Variants in NKAIN2 observed in about 807,000 individuals in gnomAD.
NKAIN2 encodes sodium/potassium-transporting ATPase subunit beta-1-interacting protein 2.
Under a neutral mutation model 32.6 loss-of-function variants are expected in NKAIN2, and 14 were observed. The ratio of observed to expected loss-of-function variants is 0.43; its 90% CI spans 0.28 to 0.67. The LOEUF is 0.67. Ranked by LOEUF, NKAIN2 falls within the 30% of genes least tolerant of loss-of-function variation. The pLI is 0.17. For synonymous variants in NKAIN2, 80 were observed against 87.2 expected (o/e 0.92, Z 0.46); for missense variants, 198 against 258.3 (o/e 0.77, Z 1.60).
chr6:124,689,393 T>G (rs1367700715), intron 4 of NKAIN2, among the ~76,000 whole-genome samples: 1 of 152,130 alleles, frequency 6.6e-6, no homozygotes, highest in Non-Finnish European at 1.5e-5. Flanking sequence ...AAATGTTTTC[T>G]TCCATACTGT....
At chr6:123,883,087 G>A (rs1472064034) in intron 1 of NKAIN2, among the ~76,000 whole-genome samples, 1 of 152,108 alleles carries the variant, frequency 6.6e-6, no homozygotes, top group African/African-American at 2.4e-5. Context: ...GGGGCTTGGT[G>A]GGAGGTGGTT....
chr6:124,633,116 T>C (rs1162390976), intron 3 of NKAIN2, among the ~76,000 whole-genome samples: 2 of 152,182 alleles, frequency 1.3e-5, no homozygotes, highest in African/African-American at 2.4e-5. Flanking sequence ...GATTTGGCAA[T>C]GATTGATAGG....
At chr6:124,549,874 T>C (rs901506931) in intron 3 of NKAIN2, among the ~76,000 whole-genome samples, 2 of 152,200 alleles carry the variant, frequency 1.3e-5, no homozygotes, top group South Asian at 4.1e-4. Context: ...GAATTCTTGG[T>C]AATGTTGACC....
intron 1 of NKAIN2, among the ~76,000 whole-genome samples, chr6:124,180,779 G>C (rs771850081): frequency 3.9e-5 from 6 of 152,150 alleles, no homozygotes; most frequent in Non-Finnish European, 7.3e-5. Context: ...TGCCCCTGTG[G>C]CTTCGCTGGG....
At chr6:124,007,942 A>C (rs1780149032) in intron 1 of NKAIN2, among the ~76,000 whole-genome samples, 1 of 152,142 alleles carries the variant, frequency 6.6e-6, no homozygotes, top group Admixed American at 6.5e-5. Flanking sequence ...AAAGGCAAAG[A>C]AGTGAGCAAG....
chr6:124,076,654 C>T (rs1005135090), intron 1 of NKAIN2, among the ~76,000 whole-genome samples: 1 of 152,204 alleles, frequency 6.6e-6, no homozygotes, highest in Non-Finnish European at 1.5e-5. Flanking sequence ...ACAGAAATTT[C>T]TTAAATCCAT....
intron 1 of NKAIN2, among the ~76,000 whole-genome samples, chr6:123,883,738 C>T (rs1476296289): frequency 5.4e-5 from 8 of 149,072 alleles, no homozygotes; most frequent in African/African-American, 2.0e-4. Context: ...AAAAAATGTA[C>T]CTCTTTTTTA....
intron 1 of NKAIN2, among the ~76,000 whole-genome samples, chr6:124,056,008 ATTTGCTATG>A (rs918503929): frequency 2.6e-5 from 4 of 152,004 alleles, no homozygotes; most frequent in Admixed American, 2.6e-4. Flanking sequence ...TAAGTATAGC[ATTTGCTATG>A]TTCTGATTTT....
intron 1 of NKAIN2, among the ~76,000 whole-genome samples, chr6:124,064,734 T>C (rs555793768): frequency 1.5e-3 from 234 of 152,300 alleles, no homozygotes; most frequent in Non-Finnish European, 2.2e-3. Flanking sequence ...TTTTAACTAT[T>C]AGCCACTAAC....
intron 1 of NKAIN2, among the ~76,000 whole-genome samples, chr6:123,911,787 A>ATATATATATG (rs1775196667): frequency 8.4e-5 from 6 of 71,268 alleles, no homozygotes; most frequent in South Asian, 4.7e-4. Context: ...ACATACATAT[A>ATATATATATG]TATATATATA....
chr6:124,724,764 CT>C (rs1269361526), intron 4 of NKAIN2, among the ~76,000 whole-genome samples: 2 of 152,202 alleles, frequency 1.3e-5, no homozygotes, highest in African/African-American at 4.8e-5. Flanking sequence ...TGTAAAAAGA[CT>C]CAAACTCTAA....
chr6:124,189,999 A>G (rs1197105910), intron 1 of NKAIN2, among the ~76,000 whole-genome samples: 1 of 152,236 alleles, frequency 6.6e-6, no homozygotes, highest in Non-Finnish European at 1.5e-5. Flanking sequence ...TCCTAAAAGC[A>G]GCAATTAATG....
intron 2 of NKAIN2, among the ~76,000 whole-genome samples, chr6:124,318,889 G>T (rs1241016625): frequency 6.6e-6 from 1 of 151,822 alleles, no homozygotes; most frequent in Non-Finnish European, 1.5e-5. Flanking sequence ...AACAAGTCTG[G>T]GTGTTATGCT....
chr6:124,194,146 G>T (rs1335136935), intron 1 of NKAIN2, among the ~76,000 whole-genome samples: 2 of 151,648 alleles, frequency 1.3e-5, no homozygotes, highest in Non-Finnish European at 2.9e-5. Flanking sequence ...TCCCACTCTG[G>T]TCAGCAAGAC....
At chr6:123,993,862 C>A (rs1779508590) in intron 1 of NKAIN2, among the ~76,000 whole-genome samples, 1 of 152,112 alleles carries the variant, frequency 6.6e-6, no homozygotes, top group Admixed American at 6.6e-5. Context: ...AATTCCATTC[C>A]ATTTCCAATA....
At chr6:124,761,306 C>T (rs961823262) in intron 4 of NKAIN2, among the ~76,000 whole-genome samples, 1 of 152,144 alleles carries the variant, frequency 6.6e-6, no homozygotes, top group African/African-American at 2.4e-5. Flanking sequence ...AGTTAGATGG[C>T]CTTCAAAGTA....
At chr6:124,049,183 C>T (rs1006993183) in intron 1 of NKAIN2, among the ~76,000 whole-genome samples, 5 of 151,982 alleles carry the variant, frequency 3.3e-5, no homozygotes, top group African/African-American at 9.7e-5. Context: ...GAATTTTACA[C>T]GTAGGTTTTT....
chr6:124,238,289 C>T (rs802299), intron 1 of NKAIN2, among the ~76,000 whole-genome samples: 2 of 151,854 alleles, frequency 1.3e-5, no homozygotes, highest in African/African-American at 4.8e-5. Flanking sequence ...ATAAAAGAAA[C>T]ATTAAAAATA....
At chr6:124,297,112 ATT>A (rs1405217380) in intron 2 of NKAIN2, among the ~76,000 whole-genome samples, 2 of 152,176 alleles carry the variant, frequency 1.3e-5, no homozygotes, top group Admixed American at 6.5e-5. Context: ...ATGTCATAAA[ATT>A]ATGAAAACTG....
Sources: allele counts gnomAD v4.1 joint callset (sites outside exome capture counted in the v4.1 genomes callset), GRCh38; gene constraint gnomAD v4.1.1; transcripts MANE v1.5; gene names NCBI Gene and HGNC (gene_info 2026-07-23, HGNC 2026-07-21).